EPHA7: variants seen among roughly 807,000 people sequenced by gnomAD.
EPHA7 encodes EPH receptor A7, also known as ephrin type-A receptor 7.
EPHA7 carries 25 observed loss-of-function variants against 112.6 expected under a neutral mutation model. The observed-to-expected ratio is 0.22, with a 90% CI of 0.16 to 0.31. EPHA7 has a LOEUF of 0.31. Ranked by LOEUF, EPHA7 falls within the 10% of genes least tolerant of loss-of-function variation. EPHA7 has a pLI of 1.00. For synonymous variants in EPHA7, 437 were observed against 406.5 expected (o/e 1.07, Z -0.90); for missense variants, 962 against 1,212.6 (o/e 0.79, Z 3.07).
intron 5 of EPHA7, among the ~76,000 whole-genome samples, chr6:93,282,723 G>A (rs995708978): frequency 5.9e-5 from 9 of 152,096 alleles, no homozygotes; most frequent in East Asian, 1.9e-4. Flanking sequence ...GCGTGGGCTC[G>A]GCGGGCCCCT....
In EPHA7 at chr6:93,390,599, A is replaced by G. The variant is rs146681231; in HGVS notation, c.832+19902T>C. Among the ~76,000 whole-genome samples the G allele has an allele frequency of 9.0e-3, 1,367 of 151,584 alleles. 15 individuals are homozygous for G. Among genetic ancestry groups the G allele is most frequent in the African/African-American group, 0.031 (1,302 of 41,454 alleles). On this transcript the variant is annotated intron_variant, in intron 3 of 16. Transcript: ENST00000369303. ...AAAAAAAAAAAGTTTATACACATAC[A>G]GGGCTGGGGGGAGTGGGGATATAAA...
chr6:93,292,045 A>G (rs552749109), intron 5 of EPHA7, among the ~76,000 whole-genome samples: 2 of 152,282 alleles, frequency 1.3e-5, no homozygotes, highest in East Asian at 3.9e-4. Context: ...ACAATAACAT[A>G]TGATTGGGTA....
intron 3 of EPHA7, among the ~76,000 whole-genome samples, chr6:93,366,842 C>CA (rs1170876964): frequency 6.6e-6 from 1 of 151,566 alleles, no homozygotes; most frequent in Non-Finnish European, 1.5e-5. Context: ...TCAACTTGTG[C>CA]AAAAAAGGAA....
intron 3 of EPHA7, among the ~76,000 whole-genome samples, chr6:93,387,011 C>T (rs1453167987): frequency 1.3e-5 from 2 of 152,130 alleles, no homozygotes; most frequent in African/African-American, 2.4e-5. Context: ...CTGACATACC[C>T]TGGAGACATT....
intron 5 of EPHA7, among the ~76,000 whole-genome samples, chr6:93,288,020 G>GT (rs759595388): frequency 6.6e-6 from 1 of 151,924 alleles, no homozygotes; most frequent in East Asian, 1.9e-4. Context: ...TGTAAAAGCA[G>GT]TTTTTTTTAA....
At chr6:93,243,691 G>T in intron 16 of EPHA7, 151 bp from the exon 17 acceptor site, 1 of 576,672 alleles carries the variant, frequency 1.7e-6, no homozygotes, top group Non-Finnish European at 3.1e-6. Flanking sequence ...CCCTGCAGCA[G>T]ATCAGAATTG....
At chr6:93,405,850 T>TATATAA (rs1469158388) in intron 3 of EPHA7, among the ~76,000 whole-genome samples, 9 of 121,342 alleles carry the variant, frequency 7.4e-5, no homozygotes, top group Non-Finnish European at 1.3e-4. Context: ...TATATATATA[T>TATATAA]AAATGATTAT....
intron 11 of EPHA7, 143 bp from the exon 12 acceptor site, chr6:93,257,666 A>G: frequency 1.7e-6 from 1 of 600,764 alleles, no homozygotes; most frequent in Non-Finnish European, 2.9e-6. Context: ...GTTGCTGCTA[A>G]GCTCAAAAAG....
At chr6:93,386,035 G>A (rs1387656120) in intron 3 of EPHA7, among the ~76,000 whole-genome samples, 5 of 152,002 alleles carry the variant, frequency 3.3e-5, no homozygotes, top group African/African-American at 9.7e-5. Context: ...CAACACATAG[G>A]GATTACAATT....
intron 2 of EPHA7, among the ~76,000 whole-genome samples, chr6:93,414,102 A>G (rs1010335068): frequency 1.3e-5 from 2 of 151,932 alleles, no homozygotes; most frequent in East Asian, 3.8e-4. Context: ...ATTTTCACTC[A>G]TATCTATTGC....
intron 5 of EPHA7, among the ~76,000 whole-genome samples, chr6:93,281,813 T>C (rs1771754428): frequency 6.6e-6 from 1 of 152,194 alleles, no homozygotes; most frequent in African/African-American, 2.4e-5. Flanking sequence ...CATAGCTATA[T>C]TTAAATTCTT....
At chr6:93,272,716 T>A (rs771138294) in intron 5 of EPHA7, among the ~76,000 whole-genome samples, 2 of 151,944 alleles carry the variant, frequency 1.3e-5, no homozygotes, top group Non-Finnish European at 2.9e-5. Context: ...GAATGCTAAT[T>A]AAGGCTAGAA....
intron 3 of EPHA7, 26 bp from the exon 4 acceptor site, chr6:93,358,437 T>C (rs1485964211): frequency 1.9e-6 from 3 of 1,575,326 alleles, no homozygotes; most frequent in East Asian, 4.6e-5. Context: ...AAAGCAAAAA[T>C]TGAGACATGA....
At chr6:93,263,694 C>T (rs1323109608) in intron 9 of EPHA7, among the ~76,000 whole-genome samples, 166 bp downstream of exon 9, 2 of 151,438 alleles carry the variant, frequency 1.3e-5, no homozygotes, top group East Asian at 1.9e-4. Flanking sequence ...ATTCACATCA[C>T]ATGATTTTAA....
intron 2 of EPHA7, among the ~76,000 whole-genome samples, chr6:93,411,660 A>C (rs2127995372): frequency 6.6e-6 from 1 of 152,280 alleles, no homozygotes; most frequent in Non-Finnish European, 1.5e-5. Context: ...CCATTCAACA[A>C]CCTGTTGATA....
intron 5 of EPHA7, among the ~76,000 whole-genome samples, chr6:93,285,816 A>G (rs1416712656): frequency 2.0e-5 from 3 of 152,220 alleles, no homozygotes; most frequent in Non-Finnish European, 4.4e-5. Flanking sequence ...GGATATAAAT[A>G]TAAAGTAGAT....
chr6:93,356,829 G>A lies in EPHA7; in HGVS notation c.1212C>T (p.Asp404=). 6.2e-7 allele frequency: 1 copy of A among 1,614,154 alleles called. No individual in the cohort carries two copies. The highest frequency in any genetic ancestry group is 8.5e-7 in the Non-Finnish European group (1 of 1,180,010). The part of the protein sequence containing the change: ...GLEDNYVTVM[D]LLAHANYTFE... ...AAGTATAATTAGCGTGGGCTAGCAGGTCCATGACAGTGACATAGTTATCCT... is the reference window on the plus strand; with the variant it reads ...AAGTATAATTAGCGTGGGCTAGCAGATCCATGACAGTGACATAGTTATCCT... The change falls in exon 5 of 17, where the codon GAC becomes GAT. Residue 404 remains aspartate, a synonymous_variant. Transcript: ENST00000369303.
At chr6:93,267,416 G>C (rs751794563) in intron 7 of EPHA7, among the ~76,000 whole-genome samples, 1 of 151,694 alleles carries the variant, frequency 6.6e-6, no homozygotes, top group Non-Finnish European at 1.5e-5. Context: ...GCAGAGCAGA[G>C]AGATTTGAAA....
chr6:93,345,913 T>C (rs1249980099), intron 5 of EPHA7, among the ~76,000 whole-genome samples: 1 of 151,594 alleles, frequency 6.6e-6, no homozygotes, highest in Non-Finnish European at 1.5e-5. Context: ...TTTGCTTCAA[T>C]TCATCACCAA....
Sources: gnomAD v4.1 joint callset for allele counts (sites outside exome capture counted in the v4.1 genomes callset) on GRCh38, gnomAD v4.1.1 for gene constraint, MANE v1.5 for transcripts, NCBI Gene and HGNC (gene_info 2026-07-23, HGNC 2026-07-21) for gene names.